Variants in CDH7 observed in about 807,000 individuals in gnomAD.
CDH7 encodes cadherin-7.
In CDH7, 25 loss-of-function variants were observed where a neutral mutation model predicts 71.8. The observed-to-expected ratio is 0.35, with a 90% confidence interval of 0.25 to 0.49. The LOEUF is 0.49. CDH7 is among the 20% of genes least tolerant of loss of function. The pLI is 0.99. For missense variants in CDH7, 862 were observed against 974.6 expected, an observed-to-expected ratio of 0.88 and a Z score of 1.54; for synonymous variants, 381 against 363.8, an observed-to-expected ratio of 1.05 and a Z score of -0.54.
At chr18:65,815,253 T>C (rs1271239582) in intron 4 of CDH7, among the ~76,000 whole-genome samples, 1 of 152,148 alleles carries the variant, frequency 6.6e-6, no homozygotes, top group Non-Finnish European at 1.5e-5. Context: ...TATTAATTGA[T>C]ATTTTAATGT....
chr18:65,875,888 C>T (rs1016589128), intron 11 of CDH7, among the ~76,000 whole-genome samples: 38 of 151,996 alleles, frequency 2.5e-4, no homozygotes, highest in African/African-American at 7.7e-4. Context: ...GAGATCCTAC[C>T]GCTGCACTTC....
intron 1 of CDH7, among the ~76,000 whole-genome samples, chr18:65,759,355 C>T (rs1364639744): frequency 6.6e-6 from 1 of 151,932 alleles, no homozygotes; most frequent in East Asian, 1.9e-4. Flanking sequence ...AGCGATTCTC[C>T]TGCCTCAGCC....
At chr18:65,835,493 A>T (rs541811323) in intron 6 of CDH7, among the ~76,000 whole-genome samples, 7 of 152,254 alleles carry the variant, frequency 4.6e-5, no homozygotes, top group African/African-American at 1.7e-4. Flanking sequence ...CATTTTATTG[A>T]TCAAGGTCAG....
At chr18:65,758,155 A>G (rs1252230356) in intron 1 of CDH7, among the ~76,000 whole-genome samples, 1 of 152,196 alleles carries the variant, frequency 6.6e-6, no homozygotes, top group Non-Finnish European at 1.5e-5. Flanking sequence ...AAGAGGTTAT[A>G]CAGTGTGTGA....
chr18:65,783,106 A>T (rs1910374853), intron 2 of CDH7, among the ~76,000 whole-genome samples: 1 of 152,218 alleles, frequency 6.6e-6, no homozygotes, highest in South Asian at 2.1e-4. Flanking sequence ...GAATGACCAC[A>T]GATAAATACA....
At chr18:65,830,542 CTTCCTTCCTTCT>C (rs1256334753) in intron 6 of CDH7, among the ~76,000 whole-genome samples, 2 of 149,742 alleles carry the variant, frequency 1.3e-5, no homozygotes, top group Admixed American at 6.7e-5. Flanking sequence ...TTCTTCCTCC[CTTCCTTCCTTCT>C]TTCCTTCCTC....
chr18:65,765,492 T>C (rs1376996840), intron 2 of CDH7, among the ~76,000 whole-genome samples: 2 of 151,358 alleles, frequency 1.3e-5, no homozygotes, highest in Non-Finnish European at 2.9e-5. Flanking sequence ...TGGGAGGTGA[T>C]GTCTGTGCCC....
chr18:65,762,723 T>C lies in CDH7; in HGVS notation c.-120T>C, dbSNP rs929084989. Reference sequence around the variant, plus strand: ...TCCAATCCAACACTCTACAGATTATTATCTCTGGACTCCCAGCTGACACCC... The same window carrying C: ...TCCAATCCAACACTCTACAGATTATCATCTCTGGACTCCCAGCTGACACCC... On this transcript the variant is annotated 5_prime_UTR_variant, in exon 2 of 12. Transcript: ENST00000397968. The C allele has an allele frequency of 1.4e-5, 10 of 725,612 alleles. No homozygotes were observed. The highest frequency in any genetic ancestry group is 8.9e-5 in the African/African-American group (5 of 55,964). The allele number at this position is 725,612 out of a possible 1,614,324, so 44.9% of individuals were successfully genotyped here. A position where few individuals can be genotyped will look rare whatever the true frequency, so the allele number is the denominator to read the frequency against.
At chr18:65,880,251 C>T (rs1427954343) in intron 11 of CDH7, 150 bp from the exon 12 acceptor site, 24 of 722,824 alleles carry the variant, frequency 3.3e-5, no homozygotes, top group Admixed American at 3.5e-5. Context: ...GCACATCTAC[C>T]GCTGTGAATC....
At chr18:65,846,429 C>T (rs1022037451) in intron 7 of CDH7, among the ~76,000 whole-genome samples, 12 of 151,944 alleles carry the variant, frequency 7.9e-5, no homozygotes, top group African/African-American at 2.9e-4. Flanking sequence ...AGACTTTGTC[C>T]CCAGTGAATT....
chr18:65,802,139 G>A (rs1911145710), intron 2 of CDH7, among the ~76,000 whole-genome samples: 1 of 152,138 alleles, frequency 6.6e-6, no homozygotes, highest in Non-Finnish European at 1.5e-5. Context: ...TTTTCATGTA[G>A]GGTTTTTATT....
chr18:65,775,642 C>G (rs1909911220), intron 2 of CDH7, among the ~76,000 whole-genome samples: 1 of 152,090 alleles, frequency 6.6e-6, no homozygotes, highest in Non-Finnish European at 1.5e-5. Context: ...TACAGTAACA[C>G]TAATGATAGC....
intron 2 of CDH7, among the ~76,000 whole-genome samples, chr18:65,806,520 T>A (rs561631678): frequency 5.3e-5 from 8 of 152,220 alleles, no homozygotes; most frequent in South Asian, 4.1e-4. Context: ...TTGTCTTTGG[T>A]TGCGTTTATT....
chr18:65,869,215 G>C (rs1430650892), intron 11 of CDH7, among the ~76,000 whole-genome samples: 2 of 96,770 alleles, frequency 2.1e-5, no homozygotes, highest in African/African-American at 7.2e-5. Flanking sequence ...CCTGATTTTT[G>C]TCCAGGGTCT....
At chr18:65,803,035 T>C (rs1911182402) in intron 2 of CDH7, 1 of 152,220 alleles carries the variant, frequency 6.6e-6, no homozygotes, top group African/African-American at 2.4e-5. Flanking sequence ...ATGGAAATTT[T>C]GATTTTACAA....
intron 2 of CDH7, among the ~76,000 whole-genome samples, chr18:65,794,199 A>T (rs1910822850): frequency 6.6e-6 from 1 of 151,932 alleles, no homozygotes; most frequent in African/African-American, 2.4e-5. Context: ...GTAGTATATA[A>T]GATTATGGTG....
chr18:65,860,249 A>AC (rs1218374906), intron 10 of CDH7, among the ~76,000 whole-genome samples: 1 of 152,128 alleles, frequency 6.6e-6, no homozygotes, highest in Non-Finnish European at 1.5e-5. Flanking sequence ...TTTCGATAAT[A>AC]CCCCTTACTC....
rs550333910 is a variant in CDH7, at chr18:65,789,332, G to T, written c.211-20372G>T. Among the ~76,000 whole-genome samples the T allele has an allele frequency of 2.8e-4, 42 of 152,286 alleles. 2 individuals carry two copies. The South Asian group carries it at 8.3e-3, about 30-fold the overall frequency. On this transcript the variant is annotated intron_variant, in intron 2 of 11. Coordinates refer to ENST00000397968, the MANE Select transcript of CDH7 (RefSeq NM_004361.5). Reference sequence around the variant, plus strand: ...TTCAAAAGAAGCAGCTTATGCAAAGGCGTGGAGACTTGAGAAAATACAATC... The same window carrying T: ...TTCAAAAGAAGCAGCTTATGCAAAGTCGTGGAGACTTGAGAAAATACAATC...
At chr18:65,773,507 G>C (rs1379356398) in intron 2 of CDH7, among the ~76,000 whole-genome samples, 1 of 152,038 alleles carries the variant, frequency 6.6e-6, no homozygotes, top group Non-Finnish European at 1.5e-5. Flanking sequence ...GAATTGTCTT[G>C]AAAATACACA....
Sources: allele counts gnomAD v4.1 joint callset (sites outside exome capture counted in the v4.1 genomes callset), GRCh38; gene constraint gnomAD v4.1.1; transcripts MANE v1.5; gene names NCBI Gene and HGNC (gene_info 2026-07-23, HGNC 2026-07-21).